FBXL13: variants seen among roughly 807,000 people sequenced by gnomAD.
FBXL13 encodes the protein F-box and leucine rich repeat protein 13.
A neutral mutation model predicts 83.6 loss-of-function variants in FBXL13; 67 were observed. The observed-to-expected ratio is 0.80, with a 90% CI of 0.66 to 0.98. The LOEUF is 0.98. Among genes scored for constraint, FBXL13 ranks in the 50% least tolerant of loss-of-function variants. The pLI is 0.00. For missense variants in FBXL13, 822 were observed against 866.5 expected (o/e 0.95, Z 0.64); for synonymous variants, 272 against 299.5 (o/e 0.91, Z 0.95).
intron 11 of FBXL13, among the ~76,000 whole-genome samples, chr7:102,904,604 TCA>T (rs1813466167): frequency 6.6e-6 from 1 of 152,064 alleles, no homozygotes; most frequent in Non-Finnish European, 1.5e-5. Context: ...TTTTTTCATT[TCA>T]GTTTCATTTA....
intron 18 of FBXL13, 67 bp downstream of exon 19, chr7:102,832,773 G>A (rs1009745208): frequency 7.6e-6 from 12 of 1,580,856 alleles, no homozygotes; most frequent in East Asian, 6.8e-5. Context: ...AGCCCTGATC[G>A]CTGTCCTGCC....
intron 10 of FBXL13, among the ~76,000 whole-genome samples, chr7:102,921,186 C>T (rs1200073071): frequency 6.6e-6 from 1 of 151,962 alleles, no homozygotes; most frequent in East Asian, 1.9e-4. Flanking sequence ...GAAACATCAA[C>T]CAGCATAAAG....
intron 16 of FBXL13, among the ~76,000 whole-genome samples, chr7:102,869,374 G>C (rs999298543): frequency 2.6e-5 from 4 of 152,078 alleles, no homozygotes; most frequent in African/African-American, 9.7e-5. Flanking sequence ...TCTGGATATT[G>C]AACCCTTGTC....
At chr7:103,019,319 A>G (rs955393124) in intron 6 of FBXL13, among the ~76,000 whole-genome samples, 11 of 152,262 alleles carry the variant, frequency 7.2e-5, no homozygotes, top group African/African-American at 2.2e-4. Context: ...GACACATTTA[A>G]AGCAGTGAGT....
chr7:103,019,038 T>C (rs536585329), intron 6 of FBXL13, among the ~76,000 whole-genome samples: 3 of 151,648 alleles, frequency 2.0e-5, no homozygotes, highest in East Asian at 1.9e-4. Context: ...CAGCACCACA[T>C]AGCACTTATT....
chr7:102,994,589 G>C (rs935363783), intron 6 of FBXL13, among the ~76,000 whole-genome samples: 1 of 152,106 alleles, frequency 6.6e-6, no homozygotes, highest in Non-Finnish European at 1.5e-5. Flanking sequence ...TTCCAAACGG[G>C]GAAGACAAAC....
intron 10 of FBXL13, among the ~76,000 whole-genome samples, chr7:102,921,706 G>C (rs1817070455): frequency 6.6e-6 from 1 of 151,740 alleles, no homozygotes; most frequent in Non-Finnish European, 1.5e-5. Context: ...AAAAATAAAA[G>C]AAGCTCTGTT....
chr7:102,933,826 G>C (rs2129473569), intron 8 of FBXL13: 1 of 1,397,552 alleles, frequency 7.2e-7, no homozygotes, highest in East Asian at 2.5e-5. Context: ...AACTGCATTA[G>C]TTAAGATTAC....
intron 19 of FBXL13, among the ~76,000 whole-genome samples, chr7:102,817,682 C>A (rs184113021): frequency 2.0e-5 from 3 of 152,284 alleles, no homozygotes; most frequent in Admixed American, 2.0e-4. Context: ...CCTCCCCTTT[C>A]TCTCTTAATA....
chr7:102,985,308 G>A (rs1235764431), intron 6 of FBXL13, among the ~76,000 whole-genome samples: 2 of 152,232 alleles, frequency 1.3e-5, no homozygotes, highest in Non-Finnish European at 2.9e-5. Flanking sequence ...CTATGTGACA[G>A]TCTGCACTTC....
intron 2 of FBXL13, among the ~76,000 whole-genome samples, chr7:103,047,441 A>G (rs1327486037): frequency 6.6e-6 from 1 of 152,222 alleles, no homozygotes; most frequent in East Asian, 1.9e-4. Context: ...ACTAATGGTT[A>G]TCACAGGTAA....
At chr7:102,883,748 A>T in intron 12 of FBXL13, 63 bp from the exon 14 acceptor site, 1 of 1,021,500 alleles carries the variant, frequency 9.8e-7, no homozygotes, top group Non-Finnish European at 1.5e-6. Flanking sequence ...AAGGTAATGA[A>T]GTCACTTTTT....
intron 17 of FBXL13, among the ~76,000 whole-genome samples, chr7:102,843,634 G>A (rs1803392976): frequency 6.6e-6 from 1 of 152,076 alleles, no homozygotes; most frequent in East Asian, 1.9e-4. Flanking sequence ...AAATTAGCCA[G>A]ACATGGTCGT....
chr7:103,010,503 G>A (rs1791487380), intron 6 of FBXL13, among the ~76,000 whole-genome samples: 2 of 152,068 alleles, frequency 1.3e-5, no homozygotes, highest in South Asian at 4.1e-4. Context: ...TAGCCAGATG[G>A]GCCACACCCA....
At chr7:102,851,697 C>T (rs1416726230) in intron 17 of FBXL13, among the ~76,000 whole-genome samples, 1 of 151,764 alleles carries the variant, frequency 6.6e-6, no homozygotes, top group Non-Finnish European at 1.5e-5. Flanking sequence ...GCTTGTATTC[C>T]TAGGTTACTG....
intron 8 of FBXL13, among the ~76,000 whole-genome samples, chr7:102,941,611 A>G (rs1821457405): frequency 6.6e-6 from 1 of 152,152 alleles, no homozygotes; most frequent in Admixed American, 6.5e-5. Context: ...TTGGATGGCT[A>G]CAAACTAAAG....
At chr7:103,044,908 G>A (rs1190528125) in intron 2 of FBXL13, among the ~76,000 whole-genome samples, 1 of 152,128 alleles carries the variant, frequency 6.6e-6, no homozygotes, top group Non-Finnish European at 1.5e-5. Context: ...CTTACTCACA[G>A]TTTCCTGTAT....
chr7:102,878,499 A>G, intron 14 of FBXL13, 49 bp from the exon 16 acceptor site: 2 of 1,308,650 alleles, frequency 1.5e-6, no homozygotes, highest in Non-Finnish European at 2.1e-6. Context: ...ATATAAACAT[A>G]TAGAATAGTA....
At chr7:102,858,844 A>G (rs1806400622) in intron 16 of FBXL13, among the ~76,000 whole-genome samples, 1 of 152,232 alleles carries the variant, frequency 6.6e-6, no homozygotes, top group Non-Finnish European at 1.5e-5. Flanking sequence ...TCAGGGTGGG[A>G]CAGGCATAAG....
Sources: gnomAD v4.1 joint callset for allele counts (sites outside exome capture counted in the v4.1 genomes callset) on GRCh38, gnomAD v4.1.1 for gene constraint, MANE v1.5 for transcripts, NCBI Gene and HGNC (gene_info 2026-07-23, HGNC 2026-07-21) for gene names.